The following SLC4A8 variants were observed in gnomAD, a reference collection of about 807,000 sequenced individuals.
The protein encoded by SLC4A8 is electroneutral sodium bicarbonate exchanger 1.
A neutral mutation model predicts 125.0 loss-of-function variants in SLC4A8; 40 were observed. That is an observed-to-expected ratio of 0.32 (90% CI 0.25 to 0.42). The LOEUF is 0.42. Ranked by LOEUF, SLC4A8 falls within the 10% of genes least tolerant of loss-of-function variation. The pLI is 1.00. For missense variants in SLC4A8, 863 were observed against 1,355.1 expected, an observed-to-expected ratio of 0.64 and a Z score of 5.70; for synonymous variants, 456 against 476.0, an observed-to-expected ratio of 0.96 and a Z score of 0.55.
chr12:51,422,713 T>G (rs567192723), upstream of SLC4A8, among the ~76,000 whole-genome samples: 42 of 152,226 alleles, frequency 2.8e-4, no homozygotes, highest in Non-Finnish European at 5.4e-4. Context: ...TCAATAACTT[T>G]CTGCTTTGGC....
Position 51,406,113 on chromosome 12 carries a change from G to C in SLC4A8, c.-112+14625G>C, listed in dbSNP as rs564691697. On this transcript the variant is annotated intron_variant, in intron 1 of 24. Coordinates refer to the SLC4A8 transcript ENST00000358657. ...TAGCAAGTGTGGTGGTAGCCACAGT[G>C]GCAGAGGCAGCGGTAGCAGCAGCTG... Among the ~76,000 whole-genome samples, 3 of 152,316 alleles carry C rather than the reference G, an allele frequency of 2.0e-5. No homozygotes were observed. The East Asian group carries it at 5.8e-4, about 29-fold the overall frequency.
chr12:51,485,388 G>T (rs1951135627), intron 16 of SLC4A8, among the ~76,000 whole-genome samples: 1 of 152,036 alleles, frequency 6.6e-6, no homozygotes, highest in Non-Finnish European at 1.5e-5. Context: ...GAGCCAATAG[G>T]ACTTGCAAAT....
intron 2 of SLC4A8, among the ~76,000 whole-genome samples, chr12:51,442,492 C>T (rs1015339198): frequency 5.3e-5 from 8 of 152,158 alleles, no homozygotes; most frequent in Non-Finnish European, 1.0e-4. Context: ...GTTCCATCCA[C>T]GGAGATCAGC....
chr12:51,472,762 T>C (rs1317420055), intron 14 of SLC4A8, among the ~76,000 whole-genome samples: 1 of 152,166 alleles, frequency 6.6e-6, no homozygotes, highest in African/African-American at 2.4e-5. Context: ...TTAATAAAGC[T>C]CAAGATGATA....
chr12:51,474,582 T>C, intron 15 of SLC4A8, 135 bp downstream of exon 15: 1 of 1,426,272 alleles, frequency 7.0e-7, no homozygotes, highest in Non-Finnish European at 9.3e-7. Context: ...AAACAATTCT[T>C]ACTCACTTTC....
At chr12:51,447,956 T>TGATCC (rs1949832875) in intron 2 of SLC4A8, among the ~76,000 whole-genome samples, 2 of 151,750 alleles carry the variant, frequency 1.3e-5, no homozygotes, top group South Asian at 4.2e-4. Context: ...CCTGACCTTG[T>TGATCC]GATCCGCCTG....
chr12:51,469,914 A>G (rs1950643387), intron 12 of SLC4A8, 126 bp downstream of exon 12: 1 of 781,074 alleles, frequency 1.3e-6, no homozygotes, highest in Non-Finnish European at 2.1e-6. Context: ...CCTCTGAATT[A>G]CCATGGTCTT....
At chr12:51,397,164 G>A (rs1377806954) in intron 1 of SLC4A8, among the ~76,000 whole-genome samples, 2 of 151,928 alleles carry the variant, frequency 1.3e-5, no homozygotes, top group African/African-American at 2.4e-5. Flanking sequence ...TCCTGACCTC[G>A]TGATCCGCCC....
Position 51,402,659 on chromosome 12 carries a change from T to C in SLC4A8, c.-112+11171T>C, listed in dbSNP as rs747675946. Among the ~76,000 whole-genome samples, 71 of 151,862 alleles carry C rather than the reference T, an allele frequency of 4.7e-4. 2 individuals carry two copies. The highest frequency in any genetic ancestry group is 3.9e-4 in the East Asian group (2 of 5,162). ...ATCTTTTGAACCTGGGAGGTGGAGGTTGCAGTGAGCCGAGACCGCGCCATT... is the reference window on the plus strand; with the variant it reads ...ATCTTTTGAACCTGGGAGGTGGAGGCTGCAGTGAGCCGAGACCGCGCCATT... On this transcript the variant is annotated intron_variant, in intron 1 of 24. Transcript: ENST00000358657.
At chr12:51,417,292 C>CAGG (rs1032489350) in intron 1 of SLC4A8, among the ~76,000 whole-genome samples, 4 of 152,080 alleles carry the variant, frequency 2.6e-5, no homozygotes, top group African/African-American at 9.7e-5. Context: ...CCTCCTGCCT[C>CAGG]AGCCTTCTGA....
intron 20 of SLC4A8, 65 bp from the exon 21 acceptor site, chr12:51,494,880 T>A: frequency 1.5e-6 from 2 of 1,299,952 alleles, no homozygotes; most frequent in Non-Finnish European, 2.2e-6. Context: ...AGATATGAAT[T>A]GGTCTAACAA....
upstream of SLC4A8, among the ~76,000 whole-genome samples, chr12:51,424,037 C>CA (rs35611847): frequency 0.51 from 19,271 of 37,614 alleles, 3,354 homozygotes; most frequent in Non-Finnish European, 0.55. Context: ...ACTTCGTCTC[C>CA]AAAAAAAAAA....
intron 23 of SLC4A8, among the ~76,000 whole-genome samples, chr12:51,504,332 A>G (rs1592283539): frequency 6.6e-6 from 1 of 152,230 alleles, no homozygotes; most frequent in African/African-American, 2.4e-5. Flanking sequence ...GGGAATCACA[A>G]GAAGAGAGGT....
intron 16 of SLC4A8, among the ~76,000 whole-genome samples, chr12:51,475,699 T>G (rs914762335): frequency 5.9e-5 from 9 of 152,234 alleles, no homozygotes; most frequent in Non-Finnish European, 1.0e-4. Flanking sequence ...GTATGACTGT[T>G]TGAAACCTCA....
chr12:51,447,209 A>G (rs1949801747), intron 2 of SLC4A8, among the ~76,000 whole-genome samples: 1 of 151,928 alleles, frequency 6.6e-6, no homozygotes, highest in South Asian at 2.1e-4. Context: ...CAGCCTTCCA[A>G]ATAGCTAGGA....
At chr12:51,432,186 A>T (rs1949210355) in intron 1 of SLC4A8, among the ~76,000 whole-genome samples, 1 of 151,972 alleles carries the variant, frequency 6.6e-6, no homozygotes, top group South Asian at 2.1e-4. Context: ...AGGTGGGAGG[A>T]TCACAAGGTC....
intron 22 of SLC4A8, chr12:51,497,843 T>C (rs974569175): frequency 8.2e-6 from 1 of 122,246 alleles, no homozygotes; most frequent in African/African-American, 3.2e-5. Flanking sequence ...GCCTAGGCAA[T>C]ATAATGAGAC....
At chr12:51,435,832 A>G (rs1419307207) in intron 1 of SLC4A8, among the ~76,000 whole-genome samples, 1 of 152,062 alleles carries the variant, frequency 6.6e-6, no homozygotes, top group Non-Finnish European at 1.5e-5. Flanking sequence ...ACATAATAAG[A>G]TGTTTTAGAC....
At chr12:51,411,755 T>G (rs1210867320) in intron 1 of SLC4A8, among the ~76,000 whole-genome samples, 1 of 152,224 alleles carries the variant, frequency 6.6e-6, no homozygotes, top group Non-Finnish European at 1.5e-5. Flanking sequence ...AAAGAGCTGC[T>G]TAAGTGTTTA....
Sources: gnomAD v4.1 joint callset for allele counts (sites outside exome capture counted in the v4.1 genomes callset) on GRCh38, gnomAD v4.1.1 for gene constraint, MANE v1.5 for transcripts, NCBI Gene and HGNC (gene_info 2026-07-23, HGNC 2026-07-21) for gene names.